Variants in SASH1 observed in about 807,000 individuals in gnomAD.
The protein encoded by SASH1 is SAM and SH3 domain-containing protein 1.
A neutral mutation model predicts 125.2 loss-of-function variants in SASH1; 44 were observed. That is an observed-to-expected ratio of 0.35 (90% CI 0.28 to 0.45). SASH1 has a LOEUF of 0.45. Among genes scored for constraint, SASH1 ranks in the 20% least tolerant of loss-of-function variants. The probability of loss-of-function intolerance (pLI) is 1.00; values close to 1 mark genes in which losing one functional copy is unlikely to be tolerated. For missense variants in SASH1, 1,426 were observed against 1,614.5 expected (o/e 0.88, Z 2.00); for synonymous variants, 639 against 649.1 (o/e 0.98, Z 0.24).
Position 148,503,220 on chromosome 6 carries a change from TACA to T in SASH1, c.730-11100_730-11098del, listed in dbSNP as rs762916443. Among the ~76,000 whole-genome samples the T allele has an allele frequency of 1.9e-4, 29 of 152,268 alleles. No homozygotes were observed. In the East Asian group the frequency reaches 2.5e-3, roughly 13 times the overall value. ...AACTGCTCCTGAGATTTTAAAACGA[TACA>T]ACATTTTTTCAGAGCAAGTTGTTGA... is the stretch of plus-strand genomic sequence containing the variant. On this transcript the variant is annotated intron_variant, in intron 8 of 19. Transcript: ENST00000367467.
chr6:148,427,856 C>A (rs1265168668), intron 2 of SASH1, among the ~76,000 whole-genome samples: 1 of 152,176 alleles, frequency 6.6e-6, no homozygotes, highest in African/African-American at 2.4e-5. Flanking sequence ...CTCAGGGAGG[C>A]CCCCTTGGTA....
At chr6:148,277,143 G>A (rs973037175) in intron 1 of SASH1, among the ~76,000 whole-genome samples, 2 of 152,146 alleles carry the variant, frequency 1.3e-5, no homozygotes, top group Admixed American at 1.3e-4. Flanking sequence ...TGAACCCAGA[G>A]AGTCTGCCCC....
At chr6:148,349,359 G>C (rs765814588) in intron 1 of SASH1, among the ~76,000 whole-genome samples, 3 of 135,868 alleles carry the variant, frequency 2.2e-5, no homozygotes, top group Non-Finnish European at 4.6e-5. Context: ...AACCTTCCAG[G>C]TTCAAGCAAT....
chr6:148,424,471 C>T (rs577775711), intron 2 of SASH1, among the ~76,000 whole-genome samples: 25 of 152,158 alleles, frequency 1.6e-4, no homozygotes, highest in Non-Finnish European at 2.6e-4. Context: ...GTTGTCCGCC[C>T]ACCTTGGCCT....
intron 2 of SASH1, among the ~76,000 whole-genome samples, chr6:148,403,349 C>T (rs1784252532): frequency 1.3e-5 from 2 of 152,086 alleles, no homozygotes; most frequent in South Asian, 4.2e-4. Context: ...AAGCGATCCT[C>T]CCACCTAGGC....
intron 8 of SASH1, among the ~76,000 whole-genome samples, chr6:148,503,099 T>A (rs1227580579): frequency 1.3e-5 from 2 of 152,220 alleles, no homozygotes; most frequent in African/African-American, 4.8e-5. Context: ...GTGCATTCAT[T>A]CATTTGTTCA....
intron 8 of SASH1, among the ~76,000 whole-genome samples, chr6:148,512,209 G>A (rs1039312201): frequency 1.3e-5 from 2 of 151,918 alleles, no homozygotes; most frequent in East Asian, 1.9e-4. Flanking sequence ...TAGTAGAGAC[G>A]GGGTTTCACC....
intron 2 of SASH1, among the ~76,000 whole-genome samples, chr6:148,397,108 C>T (rs151182767): frequency 4.6e-5 from 7 of 152,148 alleles, no homozygotes; most frequent in South Asian, 2.1e-4. Context: ...GCCTGTTTCC[C>T]GGCGTCCACA....
At chr6:148,213,161 T>A in the SASH1 span, among the ~76,000 whole-genome samples, 2 of 152,174 alleles carry the variant, frequency 1.3e-5, no homozygotes, top group Admixed American at 6.5e-5. Context: ...TTGTAAAAAC[T>A]CTAGCGTCCT....
the SASH1 span, among the ~76,000 whole-genome samples, chr6:148,251,265 T>C: frequency 1.3e-5 from 2 of 152,260 alleles, no homozygotes; most frequent in Non-Finnish European, 2.9e-5. Flanking sequence ...AGGAGAATTA[T>C]GGCTTACAAA....
chr6:148,301,536 G>T (rs1779944815), intron 1 of SASH1, among the ~76,000 whole-genome samples: 1 of 151,900 alleles, frequency 6.6e-6, no homozygotes, highest in African/African-American at 2.4e-5. Flanking sequence ...AAAGTGCTGG[G>T]ATTACAGGCG....
rs556165343 is a variant in SASH1, at chr6:148,514,313, T to G, written c.730-11T>G. On this transcript the variant is annotated splice_polypyrimidine_tract_variant and intron_variant, in intron 8 of 19. Coordinates refer to ENST00000367467, the MANE Select transcript of SASH1 (RefSeq NM_015278.5). ...TTACCTGATTAACTTTTTCCTTTGT[T>G]TCTTTGCCAGTCAAGAGAACAATCG... is the stretch of plus-strand genomic sequence containing the variant. The G allele has an allele frequency of 3.1e-6, 5 of 1,596,160 alleles. No individual in the cohort carries two copies. In the South Asian group the frequency reaches 5.7e-5, roughly 18 times the overall value.
chr6:148,388,981 A>G (rs1783590929), intron 1 of SASH1, among the ~76,000 whole-genome samples: 1 of 151,350 alleles, frequency 6.6e-6, no homozygotes, highest in Admixed American at 6.6e-5. Flanking sequence ...GAGCTGGAGG[A>G]GAGGAGAGGT....
At chr6:148,313,990 G>C (rs185376671) in intron 1 of SASH1, among the ~76,000 whole-genome samples, 1 of 152,066 alleles carries the variant, frequency 6.6e-6, no homozygotes, top group Non-Finnish European at 1.5e-5. Context: ...GTGTTTTCCT[G>C]TCCAGATTTT....
the SASH1 span, among the ~76,000 whole-genome samples, chr6:148,196,369 A>G: frequency 2.6e-5 from 4 of 152,228 alleles, no homozygotes; most frequent in African/African-American, 9.6e-5. Context: ...CATACAACCC[A>G]GTGAAACAAT....
At position 148,513,263 on chromosome 6, in the gene SASH1, T is replaced by A. The variant is rs147679358; in HGVS notation, c.730-1061T>A. 4.2e-4 allele frequency: 413 copies of A among 985,416 alleles called. 2 individuals are homozygous for A. In the East Asian group the frequency reaches 0.028, roughly 66 times the overall value. 61.0% of individuals were successfully genotyped at this position (985,416 alleles called of 1,614,324 possible). ...AGGCATTTATCTTCCTACTGTTCCA[T>A]GAACTGGGTTGGAGGAAATGGAGAG... is the stretch of plus-strand genomic sequence containing the variant. On this transcript the variant is annotated intron_variant, in intron 8 of 19. Transcript: ENST00000367467.
At chr6:148,402,282 A>G (rs889527355) in intron 2 of SASH1, among the ~76,000 whole-genome samples, 1 of 152,152 alleles carries the variant, frequency 6.6e-6, no homozygotes, top group Non-Finnish European at 1.5e-5. Flanking sequence ...AATAACAACC[A>G]TGCTGATAAT....
At chr6:148,476,611 C>T (rs1180527686) in intron 7 of SASH1, among the ~76,000 whole-genome samples, 3 of 151,938 alleles carry the variant, frequency 2.0e-5, no homozygotes, top group South Asian at 2.1e-4. Flanking sequence ...ATCGGGGAGG[C>T]GGAGGTCGCA....
intron 1 of SASH1, among the ~76,000 whole-genome samples, chr6:148,314,840 T>C (rs946045380): frequency 6.0e-5 from 9 of 149,718 alleles, no homozygotes; most frequent in Admixed American, 1.3e-4. Flanking sequence ...CACTGCAACC[T>C]CTGCCTCCTG....
Sources: gnomAD v4.1 joint callset for allele counts (sites outside exome capture counted in the v4.1 genomes callset) on GRCh38, gnomAD v4.1.1 for gene constraint, MANE v1.5 for transcripts, NCBI Gene and HGNC (gene_info 2026-07-23, HGNC 2026-07-21) for gene names.